The following ARHGAP17 variants were observed in gnomAD, a reference collection of about 807,000 sequenced individuals.
ARHGAP17 encodes Rho GTPase activating protein 17, also known as rho GTPase-activating protein 17.
In ARHGAP17, 57 loss-of-function variants were observed where a neutral mutation model predicts 99.5. The observed-to-expected ratio is 0.57, with a 90% CI of 0.46 to 0.71. ARHGAP17 has a LOEUF of 0.71. Among genes scored for constraint, ARHGAP17 ranks in the 30% least tolerant of loss-of-function variants. The probability of loss-of-function intolerance (pLI) is 0.00; values close to 1 mark genes in which losing one functional copy is unlikely to be tolerated. For missense variants in ARHGAP17, 1,000 were observed against 1,122.4 expected (o/e 0.89, Z 1.56); for synonymous variants, 417 against 429.6 (o/e 0.97, Z 0.36).
chr16:24,980,502 GA>G (rs1277939973), intron 1 of ARHGAP17, among the ~76,000 whole-genome samples: 1 of 152,154 alleles, frequency 6.6e-6, no homozygotes, highest in African/African-American at 2.4e-5. Context: ...TCAACTCTAT[GA>G]AAAGGTTCCA....
At chr16:24,937,081 C>A (rs2051160486) in intron 17 of ARHGAP17, among the ~76,000 whole-genome samples, 1 of 151,090 alleles carries the variant, frequency 6.6e-6, no homozygotes, top group African/African-American at 2.4e-5. Flanking sequence ...CACACCACTG[C>A]CCTCCAGCGT....
At position 24,949,389 on chromosome 16, in the gene ARHGAP17, C is replaced by T; in HGVS notation, c.1127+15G>A. ...TATCTTCACTCCAGAGTCATTGTAG[C>T]TCAATCATACATACCTAAAGTTAAC... On this transcript the variant is annotated intron_variant, in intron 13 of 19. Coordinates refer to ENST00000289968, the MANE Select transcript of ARHGAP17 (RefSeq NM_001006634.3). The T allele has an allele frequency of 6.2e-7, 1 of 1,605,894 alleles. No homozygotes were observed. The highest frequency in any genetic ancestry group is 1.7e-5 in the Admixed American group (1 of 59,536).
chr16:24,988,813 A>G (rs2052950092), intron 1 of ARHGAP17, among the ~76,000 whole-genome samples: 1 of 152,146 alleles, frequency 6.6e-6, no homozygotes, highest in Non-Finnish European at 1.5e-5. Flanking sequence ...GCAAAATCTG[A>G]AAGAAATCTC....
intron 3 of ARHGAP17, among the ~76,000 whole-genome samples, 162 bp from the exon 4 acceptor site, chr16:24,970,742 T>C (rs1275500724): frequency 2.0e-5 from 3 of 152,238 alleles, no homozygotes; most frequent in East Asian, 1.9e-4. Flanking sequence ...ATTAGTTGTA[T>C]GATGATCTCT....
At chr16:25,001,148 G>T (rs1311122129) in intron 1 of ARHGAP17, among the ~76,000 whole-genome samples, 1 of 152,038 alleles carries the variant, frequency 6.6e-6, no homozygotes, top group Admixed American at 6.5e-5. Flanking sequence ...AGAAATCATT[G>T]AACTAAATAG....
At chr16:24,948,727 A>G (rs1048820540) in intron 13 of ARHGAP17, among the ~76,000 whole-genome samples, 2 of 151,806 alleles carry the variant, frequency 1.3e-5, no homozygotes, top group Non-Finnish European at 2.9e-5. Context: ...TATCACCTGT[A>G]AACTATTCTG....
In ARHGAP17 at chr16:24,935,518, C is replaced by T. The variant is rs754116110; in HGVS notation, c.1846G>A (p.Gly616Ser). Residue 616 changes from glycine to serine, a missense_variant, in exon 18 of 20, where the codon GGC (glycine) becomes AGC (serine). By Grantham distance (56) the Gly-to-Ser change is moderately conservative (BLOSUM62 0). Around this residue, in one of 2 missense-constraint regions of ARHGAP17, gnomAD observed 528 missense variants for 511.4 expected, o/e 1.03. Coordinates refer to ENST00000289968, the MANE Select transcript of ARHGAP17 (RefSeq NM_001006634.3). ...GGCCCTGCAGCATTGTGAGGTTGGC[C>T]CATGGAGAGCTGGTGGGAGCCAGCA... ...AAAGSHQLSM[G>S]QPHNAAGPSP... is the part of the protein sequence containing the mutation. 4.1e-5 allele frequency: 66 copies of T among 1,612,646 alleles called. No individual in the cohort carries two copies. Among genetic ancestry groups the T allele is most frequent in the Non-Finnish European group, 5.5e-5 (65 of 1,179,544 alleles).
chr16:24,925,954 C>CA (rs879895509), intron 19 of ARHGAP17, among the ~76,000 whole-genome samples: 2 of 151,458 alleles, frequency 1.3e-5, no homozygotes, highest in East Asian at 2.0e-4. Context: ...ACTAAAAATA[C>CA]AAAAAATTAG....
chr16:24,946,018 T>C (rs1441696902), intron 14 of ARHGAP17, among the ~76,000 whole-genome samples: 2 of 152,230 alleles, frequency 1.3e-5, no homozygotes, highest in Non-Finnish European at 2.9e-5. Flanking sequence ...TTCTCCTTTA[T>C]GTCCTCTATT....
rs1555464020 is a variant in ARHGAP17 at position 24,961,982 on chromosome 16, T to TTTTTA, written c.574-2004_574-2003insTAAAA. Among the ~76,000 whole-genome samples, 1,115 of 149,002 alleles carry TTTTTA rather than the reference T, an allele frequency of 7.5e-3. 7 individuals carry two copies. The highest frequency in any genetic ancestry group is 0.012 in the Non-Finnish European group (825 of 67,508). On this transcript the variant is annotated intron_variant, in intron 7 of 19. Coordinates refer to ENST00000289968, the MANE Select transcript of ARHGAP17 (RefSeq NM_001006634.3). Reference sequence around the variant, plus strand: ...ATGTAGAGAGAGTTTGTTTTTTTTTTAATGTAATGACTTCTGTTTTTGGCA... The same window carrying TTTTTA: ...ATGTAGAGAGAGTTTGTTTTTTTTTTTTTTAAATGTAATGACTTCTGTTTTTGGCA...
intron 6 of ARHGAP17, among the ~76,000 whole-genome samples, chr16:24,965,672 C>A (rs1345279002): frequency 6.6e-6 from 1 of 152,222 alleles, no homozygotes; most frequent in African/African-American, 2.4e-5. Flanking sequence ...ATTTCAGAGT[C>A]TGACATGTTC....
At position 25,009,117 on chromosome 16, in the gene ARHGAP17, G is replaced by C. The variant is rs372791091; in HGVS notation, c.53+6092C>G. Among the ~76,000 whole-genome samples the C allele has an allele frequency of 1.1e-4, 17 of 152,328 alleles. No homozygotes were observed. The South Asian group carries it at 3.5e-3, about 32-fold the overall frequency. ...GTGGTGGCTCACGCCTGTAACCCCA[G>C]CACTTTGGGAGGCCAAGGTGGGTGG... On this transcript the variant is annotated intron_variant, in intron 1 of 19. Transcript: ENST00000289968.
chr16:24,991,262 T>C (rs1040406949), intron 1 of ARHGAP17, among the ~76,000 whole-genome samples: 4 of 152,208 alleles, frequency 2.6e-5, no homozygotes, highest in African/African-American at 9.6e-5. Flanking sequence ...ACCACCACCA[T>C]AGTGGTTGTT....
rs766853020 is a variant in ARHGAP17 at position 24,931,267 on chromosome 16, G to A, written c.2032C>T (p.Pro678Ser). 1.2e-5 allele frequency: 17 copies of A among 1,402,850 alleles called. No homozygotes were observed. Among genetic ancestry groups the A allele is most frequent in the Admixed American group, 2.3e-5 (1 of 44,428 alleles). The allele number at this position is 1,402,850 out of a possible 1,614,324, so 86.9% of individuals were successfully genotyped here. Residue 678 changes from proline to serine, a missense_variant, in exon 19 of 20, where the codon CCC (proline) becomes TCC (serine). Pro to Ser is a moderately conservative substitution (Grantham distance 74). Coordinates refer to ENST00000289968, the MANE Select transcript of ARHGAP17 (RefSeq NM_001006634.3). ...GGAGGCTGGCCCGTGTGCTGGGTGG[G>A]AGGAGAGGGGCTTCGGGTGGGTGGC... ...PKPPTRSPSP[P>S]TQHTGQPPGQ...
At chr16:24,967,450 G>C (rs936886801) in intron 6 of ARHGAP17, among the ~76,000 whole-genome samples, 1 of 152,174 alleles carries the variant, frequency 6.6e-6, no homozygotes, top group Non-Finnish European at 1.5e-5. Flanking sequence ...ACTGAGGCTG[G>C]TGGTGCCTGT....
chr16:24,939,293 C>A, intron 17 of ARHGAP17, 71 bp downstream of exon 17: 7 of 1,412,838 alleles, frequency 5.0e-6, no homozygotes, highest in Non-Finnish European at 5.7e-6. Flanking sequence ...GGATGCCGTG[C>A]TCAAAGGCCA....
chr16:24,939,305 C>T, intron 17 of ARHGAP17, 59 bp downstream of exon 17: 2 of 1,472,694 alleles, frequency 1.4e-6, no homozygotes, highest in Non-Finnish European at 1.8e-6. Flanking sequence ...CAAAGGCCAC[C>T]ACCTGCAAGA....
intron 12 of ARHGAP17, among the ~76,000 whole-genome samples, chr16:24,950,902 GGA>G (rs1682101455): frequency 6.6e-6 from 1 of 150,792 alleles, no homozygotes; most frequent in South Asian, 2.1e-4. Flanking sequence ...CACAAGCGAT[GGA>G]CTCACATCCA....
chr16:24,940,418 C>T (rs1344582787), intron 16 of ARHGAP17, among the ~76,000 whole-genome samples: 1 of 152,136 alleles, frequency 6.6e-6, no homozygotes, highest in Non-Finnish European at 1.5e-5. Context: ...AAAAGCTGGG[C>T]ATGGTAGCTC....
Sources: allele counts gnomAD v4.1 joint callset (sites outside exome capture counted in the v4.1 genomes callset), GRCh38; gene constraint gnomAD v4.1.1; regional missense constraint gnomAD v4.1.1; transcripts MANE v1.5; gene names NCBI Gene and HGNC (gene_info 2026-07-23, HGNC 2026-07-21).